SNX6: variants seen among roughly 807,000 people sequenced by gnomAD.
The protein encoded by SNX6 is sorting nexin 6.
In SNX6, 34 loss-of-function variants were observed where a neutral mutation model predicts 63.0. The observed-to-expected ratio is 0.54, with a 90% confidence interval of 0.41 to 0.72. SNX6 has a LOEUF of 0.72. Ranked by LOEUF, SNX6 falls within the 30% of genes least tolerant of loss-of-function variation. The pLI, the probability that SNX6 is intolerant of heterozygous loss-of-function variation, is 0.00. For missense variants in SNX6, 398 were observed against 471.4 expected (o/e 0.84, Z 1.44); for synonymous variants, 170 against 164.2 (o/e 1.04, Z -0.27).
At position 34,629,940 on chromosome 14, in the gene SNX6, G is replaced by A; in HGVS notation, c.21C>T (p.Asp7=). ...CCTCTTCTGAGAGGAAGTCCGGGCC[G>A]TCGTCCAGGCCTTCCTGTGGGGTCG... The part of the protein sequence containing the change: MMEGLD[D]GPDFLSEEDR... The change falls in exon 2 of 14, where the codon GAC becomes GAT. Residue 7 remains aspartate (D), a synonymous_variant. Coordinates refer to ENST00000362031, the MANE Select transcript of SNX6 (RefSeq NM_152233.4). 3 of 1,550,812 alleles carry A rather than the reference G, an allele frequency of 1.9e-6. No individual in the cohort carries two copies. The highest frequency in any genetic ancestry group is 1.7e-6 in the Non-Finnish European group (2 of 1,149,566).
chr14:34,591,745 TAC>T (rs1326835284), intron 8 of SNX6, among the ~76,000 whole-genome samples: 1 of 152,260 alleles, frequency 6.6e-6, no homozygotes, highest in Non-Finnish European at 1.5e-5. Context: ...CAACAAATAC[TAC>T]CTTTGTTTTC....
intron 9 of SNX6, among the ~76,000 whole-genome samples, chr14:34,584,067 C>A (rs1035256173): frequency 1.3e-5 from 2 of 151,870 alleles, no homozygotes; most frequent in Admixed American, 6.6e-5. Flanking sequence ...GGCTGGTCTC[C>A]AACTCCTGAC....
rs1882298046 is a variant in SNX6 at position 34,589,280 on chromosome 14, C to T, written c.719-2975G>A. Among the ~76,000 whole-genome samples, 4 of 151,038 alleles carry T rather than the reference C, an allele frequency of 2.6e-5. No individual in the cohort carries two copies. The South Asian group carries it at 8.3e-4, about 32-fold the overall frequency. ...GACCAGCCTGGCCAACATGGTGAAA[C>T]CCCATCTCTACTAAAAATACAAAAA... On this transcript the variant is annotated intron_variant, in intron 8 of 13. Transcript: ENST00000362031.
At chr14:34,627,403 C>T (rs895794196) in intron 2 of SNX6, among the ~76,000 whole-genome samples, 2 of 152,000 alleles carry the variant, frequency 1.3e-5, no homozygotes, top group Non-Finnish European at 2.9e-5. Flanking sequence ...GCCAAGATAG[C>T]ACCACTGCAG....
intron 6 of SNX6, among the ~76,000 whole-genome samples, 170 bp from the exon 7 acceptor site, chr14:34,597,815 G>C (rs1480506794): frequency 6.6e-6 from 1 of 152,092 alleles, no homozygotes; most frequent in East Asian, 1.9e-4. Flanking sequence ...CATAAAAAAG[G>C]AGTTTGGTAA....
intron 2 of SNX6, among the ~76,000 whole-genome samples, chr14:34,629,061 G>T (rs184095186): frequency 6.6e-6 from 1 of 151,882 alleles, no homozygotes; most frequent in Non-Finnish European, 1.5e-5. Flanking sequence ...GTGTGTATGT[G>T]GGGGGTGAGT....
At chr14:34,620,496 A>T (rs1883581874) in intron 2 of SNX6, among the ~76,000 whole-genome samples, 1 of 152,072 alleles carries the variant, frequency 6.6e-6, no homozygotes, top group Non-Finnish European at 1.5e-5. Flanking sequence ...AAAAACAAAA[A>T]CAAAATTCTT....
At chr14:34,609,167 T>C (rs1883127243) in intron 3 of SNX6, among the ~76,000 whole-genome samples, 1 of 151,780 alleles carries the variant, frequency 6.6e-6, no homozygotes, top group Admixed American at 6.6e-5. Flanking sequence ...GTCTAGGTTC[T>C]GATTCTCAGA....
intron 2 of SNX6, among the ~76,000 whole-genome samples, chr14:34,613,099 G>C (rs1399251010): frequency 6.6e-6 from 1 of 151,726 alleles, no homozygotes; most frequent in African/African-American, 2.4e-5. Flanking sequence ...TAATGAGAAG[G>C]TCATGTGACC....
rs1381368850 is a variant in SNX6, at chr14:34,609,423, G to A, written c.159+215C>T. 6.9e-5 allele frequency among the ~76,000 whole-genome samples: 10 copies of A among 144,696 alleles called. No individual in the cohort carries two copies. The Admixed American group carries it at 7.2e-4, about 10-fold the overall frequency. The allele number at this position is 144,696 out of a possible 152,430, so 94.9% of individuals were successfully genotyped here. On this transcript the variant is annotated intron_variant, in intron 3 of 13. Transcript: ENST00000362031. ...GTGAACCCAGGAGGAGGAGCTTGCA[G>A]TGAGCCGAGATCGTGCCACTGCACT...
At chr14:34,578,816 G>C (rs1407612475) in intron 10 of SNX6, among the ~76,000 whole-genome samples, 3 of 150,526 alleles carry the variant, frequency 2.0e-5, no homozygotes, top group Non-Finnish European at 3.0e-5. Flanking sequence ...GCGTGCACCT[G>C]TAGTCCCAGC....
At chr14:34,628,017 A>G (rs537182119) in intron 2 of SNX6, among the ~76,000 whole-genome samples, 2 of 152,330 alleles carry the variant, frequency 1.3e-5, no homozygotes, top group East Asian at 3.9e-4. Context: ...TGAGAAATTA[A>G]TTTATAAAAG....
intron 11 of SNX6, among the ~76,000 whole-genome samples, chr14:34,571,278 A>G (rs1418371380): frequency 6.6e-6 from 1 of 151,740 alleles, no homozygotes; most frequent in Admixed American, 6.6e-5. Flanking sequence ...CTAAAAATAC[A>G]AAAAATTAGC....
chr14:34,608,252 A>G (rs1370872592), intron 3 of SNX6, 112 bp from the exon 4 acceptor site: 2 of 548,624 alleles, frequency 3.6e-6, no homozygotes, highest in Non-Finnish European at 6.6e-6. Context: ...ATCTCGGCTC[A>G]CTGCAGCCTC....
chr14:34,609,860 T>C, intron 2 of SNX6, 118 bp from the exon 3 acceptor site: 1 of 663,058 alleles, frequency 1.5e-6, no homozygotes, highest in African/African-American at 1.8e-5. Context: ...TCTAAAGAGG[T>C]ACTCATGTCC....
intron 8 of SNX6, among the ~76,000 whole-genome samples, chr14:34,592,223 T>A (rs892143513): frequency 6.6e-6 from 1 of 151,834 alleles, no homozygotes; most frequent in African/African-American, 2.4e-5. Context: ...CCATCTCTAC[T>A]AAAAATACAA....
intron 9 of SNX6, among the ~76,000 whole-genome samples, chr14:34,584,108 A>C (rs1045290949): frequency 3.3e-5 from 5 of 152,002 alleles, no homozygotes; most frequent in Admixed American, 1.3e-4. Flanking sequence ...TGGCCTCCCA[A>C]AGTGCTGGGA....
chr14:34,571,313 G>A (rs573927666), intron 11 of SNX6, among the ~76,000 whole-genome samples: 1 of 151,778 alleles, frequency 6.6e-6, no homozygotes, highest in African/African-American at 2.4e-5. Context: ...GGCGCCTGCA[G>A]TGCCAGCTAC....
chr14:34,574,130 G>T (rs933132300), intron 11 of SNX6, among the ~76,000 whole-genome samples: 1 of 151,286 alleles, frequency 6.6e-6, no homozygotes, highest in Non-Finnish European at 1.5e-5. Flanking sequence ...GGGGTCAGGA[G>T]TTCGAGACCA....
Sources: gnomAD v4.1 joint callset for allele counts (sites outside exome capture counted in the v4.1 genomes callset) on GRCh38, gnomAD v4.1.1 for gene constraint, MANE v1.5 for transcripts, NCBI Gene and HGNC (gene_info 2026-07-23, HGNC 2026-07-21) for gene names.